The following CD109 variants were observed in gnomAD, a reference collection of about 807,000 sequenced individuals.
CD109 encodes the protein CD109 antigen.
A neutral mutation model predicts 165.8 loss-of-function variants in CD109; 149 were observed. That is an observed-to-expected ratio of 0.90 (90% CI 0.79 to 1.03). CD109 has a LOEUF of 1.03. Among genes scored for constraint, CD109 ranks in the 50% least tolerant of loss-of-function variants. The pLI is 0.00. For missense variants in CD109, 1,712 were observed against 1,677.8 expected, an observed-to-expected ratio of 1.02 and a Z score of -0.36; for synonymous variants, 585 against 592.1, an observed-to-expected ratio of 0.99 and a Z score of 0.18.
chr6:73,772,668 G>T (rs1296690529), intron 15 of CD109, among the ~76,000 whole-genome samples: 1 of 151,888 alleles, frequency 6.6e-6, no homozygotes, highest in Admixed American at 6.6e-5. Flanking sequence ...TTAGTCATTT[G>T]ATTTTTATTT....
At chr6:73,763,134 C>T (rs1050174555) in intron 9 of CD109, among the ~76,000 whole-genome samples, 2 of 152,120 alleles carry the variant, frequency 1.3e-5, no homozygotes, top group African/African-American at 2.4e-5. Flanking sequence ...CTACTCTTTC[C>T]CCCTGAAAAC....
intron 23 of CD109, among the ~76,000 whole-genome samples, chr6:73,798,309 T>A (rs1448774512): frequency 6.6e-6 from 1 of 152,086 alleles, no homozygotes; most frequent in Non-Finnish European, 1.5e-5. Context: ...GAGACGGGAC[T>A]TTGCCGTATT....
chr6:73,749,628 A>C (rs1773114276), intron 5 of CD109, among the ~76,000 whole-genome samples: 1 of 152,244 alleles, frequency 6.6e-6, no homozygotes, highest in South Asian at 2.1e-4. Context: ...TGCAAATTTC[A>C]ATATAGGACT....
Position 73,730,523 on chromosome 6 carries a change from A to C in CD109, c.456A>C (p.Thr152=). The change falls in exon 4 of 33, where the codon ACA becomes ACC. Residue 152 remains threonine (T), a synonymous_variant. Transcript: ENST00000287097. ...AAGAAGTGAAGTTTCGCATTGTTAC[A>C]CTCTTCTCAGATTTTAAGCCTTACA... ...PKQEVKFRIV[T]LFSDFKPYKT... The C allele has an allele frequency of 6.2e-7, 1 of 1,614,082 alleles. No homozygotes were observed. Among genetic ancestry groups the C allele is most frequent in the Non-Finnish European group, 8.5e-7 (1 of 1,179,968 alleles).
intron 2 of CD109, among the ~76,000 whole-genome samples, chr6:73,718,379 G>A (rs1771822686): frequency 1.3e-5 from 2 of 152,078 alleles, no homozygotes; most frequent in South Asian, 4.1e-4. Flanking sequence ...CATACTAGCT[G>A]TGGGTCTGTC....
chr6:73,775,840 A>T (rs1333555561), intron 15 of CD109, among the ~76,000 whole-genome samples: 1 of 152,160 alleles, frequency 6.6e-6, no homozygotes, highest in Non-Finnish European at 1.5e-5. Flanking sequence ...GTACCTGCAA[A>T]GGAGATGATC....
intron 15 of CD109, among the ~76,000 whole-genome samples, chr6:73,777,682 T>C (rs994137757): frequency 1.6e-4 from 25 of 152,318 alleles, no homozygotes; most frequent in Non-Finnish European, 2.5e-4. Context: ...CCTTTCCCCA[T>C]TGCTTGTTTT....
intron 2 of CD109, among the ~76,000 whole-genome samples, chr6:73,698,765 T>C (rs1049451057): frequency 6.6e-6 from 1 of 152,136 alleles, no homozygotes; most frequent in Non-Finnish European, 1.5e-5. Flanking sequence ...GTCAGGGAAG[T>C]GGGAGGTCTT....
In CD109 at chr6:73,779,105, A is replaced by T. The variant is rs575121262; in HGVS notation, c.1828-1319A>T. Among the ~76,000 whole-genome samples the T allele has an allele frequency of 4.6e-5, 7 of 152,048 alleles. No homozygotes were observed. The East Asian group carries it at 1.4e-3, about 29-fold the overall frequency. On this transcript the variant is annotated intron_variant, in intron 15 of 32. Transcript: ENST00000287097. The stretch of plus-strand genomic sequence containing the variant: ...TTCCCCTTCCCCACAGCCCTTGGGA[A>T]CCTCTAGTCTACTTCTGTCTTTATG...
chr6:73,726,316 A>C (rs1772141347), intron 3 of CD109, among the ~76,000 whole-genome samples: 1 of 152,254 alleles, frequency 6.6e-6, no homozygotes, highest in African/African-American at 2.4e-5. Flanking sequence ...TAAAAAACAT[A>C]AATTGAGACA....
chr6:73,813,157 A>G (rs76582053), intron 29 of CD109, among the ~76,000 whole-genome samples: 3 of 152,276 alleles, frequency 2.0e-5, no homozygotes, highest in African/African-American at 7.2e-5. Flanking sequence ...AACTAAAGGA[A>G]AAATGATCAC....
intron 15 of CD109, among the ~76,000 whole-genome samples, chr6:73,779,741 A>G (rs1774405270): frequency 6.6e-6 from 1 of 152,054 alleles, no homozygotes; most frequent in Non-Finnish European, 1.5e-5. Flanking sequence ...GTATATACCT[A>G]GGAGTGGAAT....
At chr6:73,736,578 CAA>C in intron 5 of CD109, 70 bp downstream of exon 5, 1 of 1,362,474 alleles carries the variant, frequency 7.3e-7, no homozygotes, top group Non-Finnish European at 1.0e-6. Context: ...GGAAAATCTC[CAA>C]AGTCATTTAT....
chr6:73,756,597 A>C (rs1356075407), intron 5 of CD109, 46 bp from the exon 6 acceptor site: 14 of 1,294,962 alleles, frequency 1.1e-5, no homozygotes, highest in Non-Finnish European at 1.4e-5. Flanking sequence ...AAAATAAATA[A>C]GAACTCATAT....
At position 73,818,360 on chromosome 6, in the gene CD109, T is replaced by C. The variant is rs1582209895; in HGVS notation, c.3912-28T>C. On this transcript the variant is annotated intron_variant, in intron 30 of 32. Transcript: ENST00000287097. ...CAGCTATGGGTTTTTCCTGAGGAGT[T>C]TTCATTCATCCTCCCTCTTTGATTT... The C allele has an allele frequency of 3.1e-6, 5 of 1,613,180 alleles. No individual in the cohort carries two copies. The East Asian group carries it at 1.1e-4, about 36-fold the overall frequency.
Position 73,759,022 on chromosome 6 carries a change from C to A in CD109, c.752C>A (p.Thr251Lys). ...TCTAAGCATTTAAATGGTACCATCA[C>A]GGCAAAGTAAGTGTCATTTTTCTTT... ...MNSKHLNGTI[T>K]AKYTYGKPVK... The change falls in exon 7 of 33, where the codon ACG (threonine) becomes AAG (lysine). Residue 251 changes from threonine (T) to lysine (K), a missense_variant. Coordinates refer to ENST00000287097, the MANE Select transcript of CD109 (RefSeq NM_133493.5). 1.3e-6 allele frequency: 2 copies of A among 1,585,256 alleles called. No individual in the cohort carries two copies. Among genetic ancestry groups the A allele is most frequent in the African/African-American group, 1.3e-5 (1 of 74,482 alleles).
chr6:73,757,392 G>A (rs999924665), intron 6 of CD109, among the ~76,000 whole-genome samples: 8 of 152,056 alleles, frequency 5.3e-5, no homozygotes, highest in African/African-American at 1.9e-4. Flanking sequence ...AAGATAATAT[G>A]TACATGAATG....
At chr6:73,699,184 C>T (rs750632363) in intron 2 of CD109, among the ~76,000 whole-genome samples, 3 of 151,962 alleles carry the variant, frequency 2.0e-5, no homozygotes, top group Non-Finnish European at 4.4e-5. Context: ...AAGGTAGTTC[C>T]ACATTCATTA....
intron 5 of CD109, among the ~76,000 whole-genome samples, chr6:73,736,979 C>T (rs1426281030): frequency 1.3e-5 from 2 of 152,188 alleles, no homozygotes. Flanking sequence ...CACCTATTGC[C>T]TTTACTTGCT....
Sources: gnomAD v4.1 joint callset for allele counts (sites outside exome capture counted in the v4.1 genomes callset) on GRCh38, gnomAD v4.1.1 for gene constraint, MANE v1.5 for transcripts, NCBI Gene and HGNC (gene_info 2026-07-23, HGNC 2026-07-21) for gene names.